Variants in PDLIM3 observed in about 807,000 individuals in gnomAD.
PDLIM3 encodes PDZ and LIM domain 3.
Under a neutral mutation model 37.3 loss-of-function variants are expected in PDLIM3, and 36 were observed. The observed-to-expected ratio is 0.97, with a 90% CI of 0.74 to 1.28. PDLIM3 has a LOEUF of 1.28. Among genes scored for constraint, PDLIM3 ranks in the 50% most tolerant of loss-of-function variants. The pLI, the probability that PDLIM3 is intolerant of heterozygous loss-of-function variation, is 0.00. For missense variants in PDLIM3, 454 were observed against 485.0 expected (o/e 0.94, Z 0.60); for synonymous variants, 174 against 182.4 (o/e 0.95, Z 0.37).
At chr4:185,519,143 T>C (rs1352327705) in intron 3 of PDLIM3, among the ~76,000 whole-genome samples, 1 of 152,194 alleles carries the variant, frequency 6.6e-6, no homozygotes, top group African/African-American at 2.4e-5. Flanking sequence ...GAAAAATAGA[T>C]TGTGTTCAGG....
At chr4:185,525,956 A>C (rs772663805) in intron 1 of PDLIM3, among the ~76,000 whole-genome samples, 1 of 152,236 alleles carries the variant, frequency 6.6e-6, no homozygotes, top group Non-Finnish European at 1.5e-5. Context: ...CACTTTGTTT[A>C]GAAATCTGTA....
chr4:185,515,899 T>A (rs1046911881), intron 3 of PDLIM3: 2 of 152,164 alleles, frequency 1.3e-5, no homozygotes, highest in African/African-American at 4.8e-5. Flanking sequence ...ATCTTTTTTT[T>A]TAATATTTAT....
chr4:185,502,267 G>A lies in PDLIM3; in HGVS notation c.*27C>T, dbSNP rs376717121. 1.4e-4 allele frequency: 224 copies of A among 1,606,628 alleles called. No homozygotes were observed. Among genetic ancestry groups the A allele is most frequent in the South Asian group, 5.5e-4 (50 of 90,954 alleles). ...CGTGTAAGTGCGCGTGGGTGGGTGC[G>A]TGCGTGCGTGCCACGCCTGCAGAGA... On this transcript the variant is annotated 3_prime_UTR_variant, in exon 8 of 8. Transcript: ENST00000284767.
chr4:185,502,434 C>T lies in PDLIM3; in HGVS notation c.955G>A (p.Val319Met), dbSNP rs756047162. ...RDKYRHPECFVCADCNLNLKQ... is the reference protein window; with the variant it reads ...RDKYRHPECFMCADCNLNLKQ... ...AGGTTGAGGTTGCAGTCGGCACACA[C>T]GAAGCACTCAGGGTGCCGGTACTTA... Residue 319 changes from valine (V) to methionine (M), a missense_variant, in exon 8 of 8, where the codon GTG (valine) becomes ATG (methionine). Val to Met is a conservative substitution (Grantham distance 21, BLOSUM62 1). Coordinates refer to ENST00000284767, the MANE Select transcript of PDLIM3 (RefSeq NM_014476.6). 4.6e-5 allele frequency: 74 copies of T among 1,614,068 alleles called. No homozygotes were observed. The highest frequency in any genetic ancestry group is 2.2e-4 in the Admixed American group (13 of 59,998).
chr4:185,519,872 G>C (rs1392291046), intron 3 of PDLIM3, among the ~76,000 whole-genome samples: 1 of 152,112 alleles, frequency 6.6e-6, no homozygotes, highest in African/African-American at 2.4e-5. Context: ...ATGGCCTTTT[G>C]CTATTCATCT....
chr4:185,506,795 G>A, intron 5 of PDLIM3, 143 bp from the exon 6 acceptor site: 1 of 708,356 alleles, frequency 1.4e-6, no homozygotes, highest in Non-Finnish European at 2.4e-6. Context: ...TGAATCTCTA[G>A]TATAGTTAAA....
At chr4:185,527,786 A>AG (rs2095736831) in intron 1 of PDLIM3, among the ~76,000 whole-genome samples, 1 of 152,230 alleles carries the variant, frequency 6.6e-6, no homozygotes, top group Non-Finnish European at 1.5e-5. Context: ...ATGATGCCTC[A>AG]TGCCTGTAAT....
At chr4:185,524,970 G>A (rs1334822659) in intron 2 of PDLIM3, 50 bp downstream of exon 2, 5 of 1,588,756 alleles carry the variant, frequency 3.1e-6, no homozygotes, top group Non-Finnish European at 3.5e-6. Flanking sequence ...TTCTGGTTCA[G>A]GTTCTCCTGC....
Position 185,517,810 on chromosome 4 carries a change from A to T in PDLIM3, c.331-3473T>A, listed in dbSNP as rs1160361363. The T allele has an allele frequency of 2.0e-5, 3 of 152,178 alleles. No individual in the cohort carries two copies. The East Asian group carries it at 5.8e-4, about 29-fold the overall frequency. 9.4% of individuals were successfully genotyped at this position (152,178 alleles called of 1,614,324 possible). On this transcript the variant is annotated intron_variant, in intron 3 of 7. Coordinates refer to ENST00000284767, the MANE Select transcript of PDLIM3 (RefSeq NM_014476.6). ...TATGGGCTTTTAGAGTCATTCCAAA[A>T]AGCACAATGAAGTGTATACACCAAA...
chr4:185,525,208 C>T, intron 1 of PDLIM3, 37 bp from the exon 2 acceptor site: 2 of 1,608,472 alleles, frequency 1.2e-6, no homozygotes, highest in Non-Finnish European at 1.7e-6. Context: ...AAACCAACAT[C>T]CCGCAGTATC....
intron 1 of PDLIM3, 55 bp downstream of exon 1, chr4:185,535,287 C>A: frequency 6.8e-7 from 1 of 1,480,054 alleles, no homozygotes; most frequent in Admixed American, 1.9e-5. Context: ...CTGCGTCCCC[C>A]CGGACGCCGC....
chr4:185,523,743 C>A (rs1170307054), intron 2 of PDLIM3, among the ~76,000 whole-genome samples: 1 of 151,516 alleles, frequency 6.6e-6, no homozygotes, highest in Non-Finnish European at 1.5e-5. Flanking sequence ...CTCAGCTTCC[C>A]GAGTAGCTGG....
chr4:185,523,986 A>C (rs2095728152), intron 2 of PDLIM3, among the ~76,000 whole-genome samples: 1 of 151,222 alleles, frequency 6.6e-6, no homozygotes, highest in African/African-American at 2.4e-5. Context: ...AGTACACTGC[A>C]CAGTTTCTGG....
At position 185,514,505 on chromosome 4, in the gene PDLIM3, C is replaced by T; in HGVS notation, c.331-168G>A. 2.1e-6 allele frequency: 3 copies of T among 1,430,074 alleles called. No individual in the cohort carries two copies. In the South Asian group the frequency reaches 3.7e-5, roughly 18 times the overall value. The allele number at this position is 1,430,074 out of a possible 1,614,324, so 88.6% of individuals were successfully genotyped here. On this transcript the variant is annotated intron_variant, in intron 3 of 7. Coordinates refer to ENST00000284767, the MANE Select transcript of PDLIM3 (RefSeq NM_014476.6). This position sits in a 1 kb window ranked among gnomAD's most constrained non-coding sequence, Gnocchi z 4.0. Reference sequence around the variant, plus strand: ...CGATGTCTTCTTTCCAACCATCTATCCGCTAAACGGTCAGGCACTGGCGGA... The same window carrying T: ...CGATGTCTTCTTTCCAACCATCTATTCGCTAAACGGTCAGGCACTGGCGGA...
intron 1 of PDLIM3, 146 bp from the exon 2 acceptor site, chr4:185,525,317 T>C (rs1417532352): frequency 1.2e-6 from 1 of 822,392 alleles, no homozygotes; most frequent in African/African-American, 1.7e-5. Context: ...AACTCTTAGT[T>C]GGTCAGTTGA....
intron 1 of PDLIM3, among the ~76,000 whole-genome samples, chr4:185,535,083 C>T (rs958442103): frequency 1.3e-5 from 2 of 152,248 alleles, no homozygotes; most frequent in African/African-American, 4.8e-5. Flanking sequence ...CAGTGGCTCT[C>T]CTCGGAAAGT....
At chr4:185,511,867 C>CA (rs1474881524) in intron 4 of PDLIM3, among the ~76,000 whole-genome samples, 1 of 152,038 alleles carries the variant, frequency 6.6e-6, no homozygotes, top group East Asian at 1.9e-4. Context: ...ATGCATATAT[C>CA]AAAACAGCAC....
chr4:185,506,239 A>G (rs1462842649), intron 6 of PDLIM3, among the ~76,000 whole-genome samples: 1 of 152,186 alleles, frequency 6.6e-6, no homozygotes, highest in Non-Finnish European at 1.5e-5. Context: ...TTAAAATGAT[A>G]TCTCATGATT....
Position 185,514,752 on chromosome 4 carries a change from C to T in PDLIM3, c.331-415G>A, listed in dbSNP as rs1306556152. 5.8e-6 allele frequency: 9 copies of T among 1,552,108 alleles called. No individual in the cohort carries two copies. Among genetic ancestry groups the T allele is most frequent in the Non-Finnish European group, 7.8e-6 (9 of 1,147,086 alleles). ...CCCCGCAGCTGTCCGTGAAGCGCATCTTGTATATTGCTAGTTGAATAGAGC... is the reference window on the plus strand; with the variant it reads ...CCCCGCAGCTGTCCGTGAAGCGCATTTTGTATATTGCTAGTTGAATAGAGC... On this transcript the variant is annotated intron_variant, in intron 3 of 7. Transcript: ENST00000284767. This position sits in a 1 kb window ranked among gnomAD's most constrained non-coding sequence, Gnocchi z 4.0.
Sources: allele counts gnomAD v4.1 joint callset (sites outside exome capture counted in the v4.1 genomes callset), GRCh38; gene constraint gnomAD v4.1.1; non-coding constraint Gnocchi (gnomAD v3.1); transcripts MANE v1.5; gene names NCBI Gene and HGNC (gene_info 2026-07-23, HGNC 2026-07-21).